RET: variants seen among roughly 807,000 people sequenced by gnomAD.
RET encodes ret proto-oncogene, also known as proto-oncogene tyrosine-protein kinase receptor Ret.
RET carries 19 observed loss-of-function variants against 118.3 expected under a neutral mutation model. That is an observed-to-expected ratio of 0.16 (90% CI 0.11 to 0.24). The LOEUF is 0.24. Among genes scored for constraint, RET ranks in the 10% least tolerant of loss-of-function variants. The probability of loss-of-function intolerance (pLI) is 1.00; values close to 1 mark genes in which losing one functional copy is unlikely to be tolerated. For missense variants in RET, 1,219 were observed against 1,502.1 expected (o/e 0.81, Z 3.12); for synonymous variants, 597 against 644.1 (o/e 0.93, Z 1.11).
chr10:43,080,531 G>A (rs936361666), intron 1 of RET, among the ~76,000 whole-genome samples: 21 of 152,236 alleles, frequency 1.4e-4, no homozygotes, highest in African/African-American at 3.9e-4. Flanking sequence ...TGGCCCTCTG[G>A]CTTGCTCCAG....
chr10:43,123,401 G>A (rs545737470), intron 16 of RET, among the ~76,000 whole-genome samples: 1 of 152,320 alleles, frequency 6.6e-6, no homozygotes, highest in East Asian at 1.9e-4. Flanking sequence ...TAAGCCTCAT[G>A]TGTCCCTTGT....
intron 1 of RET, among the ~76,000 whole-genome samples, chr10:43,090,926 C>T (rs1837398064): frequency 6.6e-6 from 1 of 151,232 alleles, no homozygotes; most frequent in African/African-American, 2.4e-5. Flanking sequence ...GCTGTGGTCT[C>T]ATGAGTGGAC....
chr10:43,128,607 C>T lies in RET; in HGVS notation c.*338C>T. ...TTCACATGTGTGGGTCCAACACTTA[C>T]TACCTGGTGTATGAAATTGGACCTG... On this transcript the variant is annotated 3_prime_UTR_variant, in exon 20 of 20. Coordinates refer to ENST00000355710, the MANE Select transcript of RET (RefSeq NM_020975.6). The T allele has an allele frequency of 2.2e-6, 1 of 451,518 alleles. No individual in the cohort carries two copies. Among genetic ancestry groups the T allele is most frequent in the Non-Finnish European group, 4.1e-6 (1 of 243,136 alleles). The allele number at this position is 451,518 out of a possible 1,614,324, so 28.0% of individuals were successfully genotyped here.
intron 5 of RET, among the ~76,000 whole-genome samples, chr10:43,107,591 A>G (rs2132730168): frequency 6.6e-6 from 1 of 151,148 alleles, no homozygotes; most frequent in East Asian, 1.9e-4. Context: ...ACACACACAC[A>G]CACACACACA....
Position 43,100,619 on chromosome 10 carries a change from A to ACGG in RET, c.236_238dup (p.Arg79dup). 1.2e-6 allele frequency: 2 copies of ACGG among 1,613,856 alleles called. No homozygotes were observed. Among genetic ancestry groups the ACGG allele is most frequent in the Non-Finnish European group, 1.7e-6 (2 of 1,179,992 alleles). ...AGCATCTCTACGGCACGTACCGCACACGGCTGCATGAGAACAACTGGATCT... is the reference window on the plus strand; with the variant it reads ...AGCATCTCTACGGCACGTACCGCACACGGCGGCTGCATGAGAACAACTGGATCT... On this transcript the variant is annotated inframe_insertion, in exon 2 of 20. Coordinates refer to ENST00000355710, the MANE Select transcript of RET (RefSeq NM_020975.6).
intron 1 of RET, among the ~76,000 whole-genome samples, chr10:43,088,321 ATGG>A (rs1366752487): frequency 2.1e-5 from 3 of 143,732 alleles, no homozygotes; most frequent in Non-Finnish European, 4.6e-5. Flanking sequence ...GAAGGTGGGG[ATGG>A]TGGTGGTAGA....
intron 1 of RET, among the ~76,000 whole-genome samples, chr10:43,085,939 G>A: frequency 6.6e-6 from 1 of 152,172 alleles, no homozygotes. Context: ...GAAACCTACT[G>A]TCTCAGAGGC....
Position 43,106,828 on chromosome 10 carries a change from C to G in RET, c.1063+257C>G, listed in dbSNP as rs539001199. Reference sequence around the variant, plus strand: ...ACCCTGGCAGGGCCCCACCACACCCCCCTGCTGACCTCACCAGGGCTCACC... The same window carrying G: ...ACCCTGGCAGGGCCCCACCACACCCGCCTGCTGACCTCACCAGGGCTCACC... On this transcript the variant is annotated intron_variant, in intron 5 of 19. Coordinates refer to ENST00000355710, the MANE Select transcript of RET (RefSeq NM_020975.6). This position sits in a 1 kb window ranked among gnomAD's most constrained non-coding sequence, Gnocchi z 5.1. 2.6e-5 allele frequency among the ~76,000 whole-genome samples: 4 copies of G among 152,334 alleles called. No individual in the cohort carries two copies. Among genetic ancestry groups the G allele is most frequent in the African/African-American group, 7.2e-5 (3 of 41,570 alleles).
At chr10:43,091,108 A>G (rs1370696269) in intron 1 of RET, among the ~76,000 whole-genome samples, 1 of 151,962 alleles carries the variant, frequency 6.6e-6, no homozygotes, top group African/African-American at 2.4e-5. Context: ...TAAAACTGGG[A>G]TCCCCCTATA....
intron 10 of RET, among the ~76,000 whole-genome samples, chr10:43,113,941 C>A (rs1838003144): frequency 6.6e-6 from 1 of 152,206 alleles, no homozygotes; most frequent in Non-Finnish European, 1.5e-5. Flanking sequence ...AAGTCACTGT[C>A]CCTGTGACCA....
rs762363830 is a variant in RET, at chr10:43,105,147, C to T, written c.821C>T (p.Ala274Val). Residue 274 changes from alanine (A) to valine (V), a missense_variant, in exon 4 of 20, where the codon GCG becomes GTG. Coordinates refer to ENST00000355710, the MANE Select transcript of RET (RefSeq NM_020975.6). ...DEDDSAPTFPAGVDTASAVVE... is the reference protein window; with the variant it reads ...DEDDSAPTFPVGVDTASAVVE... ...GACGACTCGGCGCCCACCTTCCCCG[C>T]GGGCGTCGACACCGCCAGCGCCGTG... 4 of 1,612,690 alleles carry T rather than the reference C, an allele frequency of 2.5e-6. No homozygotes were observed. The highest frequency in any genetic ancestry group is 3.4e-6 in the Non-Finnish European group (4 of 1,179,860).
chr10:43,089,290 G>C (rs1354736114), intron 1 of RET, among the ~76,000 whole-genome samples: 1 of 152,218 alleles, frequency 6.6e-6, no homozygotes, highest in Non-Finnish European at 1.5e-5. Context: ...TCCAGCCTTA[G>C]GGTCTAACAC....
chr10:43,128,210 TATGCTAACTGG>T lies in RET; in HGVS notation c.3292_3302del (p.Asn1098PhefsTer12), dbSNP rs762012370. ...TCCAAGATATCCAAATGATAGTGTA[TATGCTAACTGG>T]ATGCTTTCACCCTCAGCGGCAAAAT... On this transcript the variant is annotated frameshift_variant, in exon 20 of 20. Coordinates refer to ENST00000355710, the MANE Select transcript of RET (RefSeq NM_020975.6). LOFTEE classifies it high-confidence loss of function. 2.5e-6 allele frequency: 4 copies of T among 1,614,184 alleles called. No homozygotes were observed. Among genetic ancestry groups the T allele is most frequent in the Non-Finnish European group, 3.4e-6 (4 of 1,180,024 alleles).
chr10:43,112,055 G>A (rs751634084), intron 7 of RET, 44 bp from the exon 8 acceptor site: 119 of 1,569,722 alleles, frequency 7.6e-5, no homozygotes, highest in Non-Finnish European at 9.9e-5. Flanking sequence ...TGGACGCTGG[G>A]CCCAGGCCAG....
intron 16 of RET, 66 bp downstream of exon 16, chr10:43,122,082 C>T (rs2132988564): frequency 7.9e-7 from 1 of 1,267,858 alleles, no homozygotes; most frequent in Non-Finnish European, 1.2e-6. Flanking sequence ...GTAGTGGGGC[C>T]ACGACGCCCG....
rs75076352 is a variant in RET, at chr10:43,114,500, T to C, written c.1900T>C (p.Cys634Arg). 2.5e-6 allele frequency: 4 copies of C among 1,607,602 alleles called. No individual in the cohort carries two copies. Among genetic ancestry groups the C allele is most frequent in the Admixed American group, 3.3e-5 (2 of 59,968 alleles). The change falls in exon 11 of 20, where the codon TGC becomes CGC. Residue 634 changes from cysteine to arginine, a missense_variant. Coordinates refer to ENST00000355710, the MANE Select transcript of RET (RefSeq NM_020975.6). This position sits in a 1 kb window ranked among gnomAD's most constrained non-coding sequence, Gnocchi z 4.6. ...CACAGATCCACTGTGCGACGAGCTGTGCCGCACGGTGATCGCAGCCGCTGT... is the reference window on the plus strand; with the variant it reads ...CACAGATCCACTGTGCGACGAGCTGCGCCGCACGGTGATCGCAGCCGCTGT... ...DIQDPLCDEL[C>R]RTVIAAAVLF...
chr10:43,109,944 G>A (rs2251674), intron 6 of RET, among the ~76,000 whole-genome samples: 115,316 of 152,120 alleles, frequency 0.76, 44,232 homozygotes, highest in African/African-American at 0.85. Context: ...CTCGCATGCC[G>A]CTCTCCCTTG....
chr10:43,100,550 C>G lies in RET; in HGVS notation c.165C>G (p.Ala55=), dbSNP rs778409475. ...AAGTPLLYVH[A]LRDAPEEVPS... The stretch of plus-strand genomic sequence containing the variant: ...GCACGCCCTTGCTGTACGTCCATGC[C>G]CTGCGGGACGCCCCTGAGGAGGTGC... Residue 55 remains alanine (A), a synonymous_variant, in exon 2 of 20, where the codon GCC becomes GCG. Transcript: ENST00000355710. 6.2e-7 allele frequency: 1 copy of G among 1,613,938 alleles called. No homozygotes were observed.
rs183817000 is a variant in RET at position 43,130,081 on chromosome 10, C to A, written c.*1812C>A. The A allele has an allele frequency of 8.9e-4, 353 of 397,406 alleles. 2 individuals are homozygous for A. Among genetic ancestry groups the A allele is most frequent in the African/African-American group, 6.8e-3 (331 of 48,734 alleles). 24.6% of individuals were successfully genotyped at this position (397,406 alleles called of 1,614,324 possible). On this transcript the variant is annotated 3_prime_UTR_variant, in exon 20 of 20. Coordinates refer to ENST00000355710, the MANE Select transcript of RET (RefSeq NM_020975.6). ...GCTGACCCAGTGATGGGGAATTTAT[C>A]CTTGACCAATTTATCCTTGACCAAT...
Sources: gnomAD v4.1 joint callset for allele counts (sites outside exome capture counted in the v4.1 genomes callset) on GRCh38, gnomAD v4.1.1 for gene constraint, Gnocchi (gnomAD v3.1) non-coding constraint, MANE v1.5 for transcripts, NCBI Gene and HGNC (gene_info 2026-07-23, HGNC 2026-07-21) for gene names.